ISL1: variants seen among roughly 807,000 people sequenced by gnomAD.
The protein encoded by ISL1 is ISL LIM homeobox 1, also known as insulin gene enhancer protein ISL-1.
A neutral mutation model predicts 35.3 loss-of-function variants in ISL1; 4 were observed. The ratio of observed to expected loss-of-function variants is 0.11; its 90% confidence interval spans 0.06 to 0.26. The LOEUF (loss-of-function observed/expected upper bound fraction) is 0.26, where lower values mean the gene tolerates loss of function less well. Among genes scored for constraint, ISL1 ranks in the 10% least tolerant of loss-of-function variants. The pLI is 1.00. For missense variants in ISL1, 340 were observed against 472.8 expected (o/e 0.72, Z 2.60); for synonymous variants, 186 against 172.3 (o/e 1.08, Z -0.62).
chr5:51,389,979 G>A lies in ISL1; in HGVS notation c.765+47G>A, dbSNP rs1358580661. 5 of 1,597,422 alleles carry A rather than the reference G, an allele frequency of 3.1e-6. No individual in the cohort carries two copies. The highest frequency in any genetic ancestry group is 2.7e-5 in the African/African-American group (2 of 74,664). ...CAGGGAATGCGAGGGGGAAGGAGAC[G>A]CAGCGTGCGAGGTGCGTTCCTGGTA... On this transcript the variant is annotated intron_variant, in intron 4 of 5. Coordinates refer to ENST00000230658, the MANE Select transcript of ISL1 (RefSeq NM_002202.3). The surrounding 1 kb of genome is among the most constrained non-coding windows in gnomAD (Gnocchi z 5.0).
rs148238074 is a variant in ISL1 at position 51,386,647 on chromosome 5, A to G, written c.219-843A>G. ...CCTTGGTAAGGAAAGGCCAGGAGTG[A>G]GAAAGACCTTAGAAGCGGGTCTTTG... On this transcript the variant is annotated intron_variant, in intron 2 of 5. Coordinates refer to ENST00000230658, the MANE Select transcript of ISL1 (RefSeq NM_002202.3). The G allele has an allele frequency of 1.7e-3, 767 of 456,130 alleles. 1 individual carries two copies. Among genetic ancestry groups the G allele is most frequent in the African/African-American group, 0.014 (687 of 50,170 alleles). 28.3% of individuals were successfully genotyped at this position (456,130 alleles called of 1,614,324 possible).
chr5:51,384,358 G>A (rs1219643068), intron 1 of ISL1, among the ~76,000 whole-genome samples, 183 bp from the exon 2 acceptor site: 3 of 149,502 alleles, frequency 2.0e-5, no homozygotes, highest in African/African-American at 5.0e-5. Flanking sequence ...AATGAGTCAA[G>A]GTTTTGATGG....
At position 51,387,927 on chromosome 5, in the gene ISL1, C is replaced by T. The variant is rs1747390020; in HGVS notation, c.478+178C>T. Among the ~76,000 whole-genome samples, 1 of 152,266 alleles carries T rather than the reference C, an allele frequency of 6.6e-6. No homozygotes were observed. Among genetic ancestry groups the T allele is most frequent in the South Asian group, 2.1e-4 (1 of 4,838 alleles). Reference sequence around the variant, plus strand: ...CCTTTGCAGCAAGGTTCAATGCACTCACTGTCTCCCTTGATTCCCCGAGCA... The same window carrying T: ...CCTTTGCAGCAAGGTTCAATGCACTTACTGTCTCCCTTGATTCCCCGAGCA... On this transcript the variant is annotated intron_variant, in intron 3 of 5. Coordinates refer to ENST00000230658, the MANE Select transcript of ISL1 (RefSeq NM_002202.3). The surrounding 1 kb of genome is among the most constrained non-coding windows in gnomAD (Gnocchi z 4.3).
intron 1 of ISL1, among the ~76,000 whole-genome samples, chr5:51,384,180 G>A (rs1476485159): frequency 7.0e-6 from 1 of 142,306 alleles, no homozygotes; most frequent in Non-Finnish European, 1.5e-5. Context: ...AACGCTTCTA[G>A]TCAAAACCTT....
chr5:51,385,681 A>G (rs1262150987), intron 2 of ISL1, among the ~76,000 whole-genome samples: 1 of 152,046 alleles, frequency 6.6e-6, no homozygotes, highest in Non-Finnish European at 1.5e-5. Context: ...CTGCCTTAGA[A>G]AGCCAGTAGT....
chr5:51,383,933 A>G (rs1376800413), intron 1 of ISL1, among the ~76,000 whole-genome samples: 1 of 152,020 alleles, frequency 6.6e-6, no homozygotes, highest in Non-Finnish European at 1.5e-5. Flanking sequence ...CCAAAGCTCT[A>G]GCTTTCTGGT....
At position 51,390,628 on chromosome 5, in the gene ISL1, TTTTC is replaced by T. The variant is rs1237847396; in HGVS notation, c.766-638_766-635del. ...AGAGTTTCTTTTCTTCCTTTTTTTC[TTTTC>T]TTTCTTTTTCTTTTTTTTTTTTTTT... On this transcript the variant is annotated intron_variant, in intron 4 of 5. Transcript: ENST00000230658. Among the ~76,000 whole-genome samples, 384 of 100,816 alleles carry T rather than the reference TTTTC, an allele frequency of 3.8e-3. 5 individuals carry two copies. Among genetic ancestry groups the T allele is most frequent in the African/African-American group, 0.013 (285 of 22,056 alleles). The allele number at this position is 100,816 out of a possible 152,430, so 66.1% of individuals were successfully genotyped here.
intron 4 of ISL1, among the ~76,000 whole-genome samples, chr5:51,390,295 C>T (rs1299469198): frequency 1.3e-5 from 2 of 152,208 alleles, no homozygotes; most frequent in Non-Finnish European, 2.9e-5. Context: ...TGCCAACATT[C>T]AGATCGTCAG....
Position 51,389,822 on chromosome 5 carries a change from G to C in ISL1, c.655G>C (p.Gly219Arg). 1.2e-6 allele frequency: 2 copies of C among 1,614,214 alleles called. No individual in the cohort carries two copies. The highest frequency in any genetic ancestry group is 1.7e-6 in the Non-Finnish European group (2 of 1,180,036). ...GAAGGAGCAACTGGTAGAGATGACGGGCCTCAGTCCCCGTGTGATCCGGGT... is the reference window on the plus strand; with the variant it reads ...GAAGGAGCAACTGGTAGAGATGACGCGCCTCAGTCCCCGTGTGATCCGGGT... Reference protein sequence around the residue: ...LMKEQLVEMTGLSPRVIRVWF... With the variant: ...LMKEQLVEMTRLSPRVIRVWF... Residue 219 changes from glycine to arginine, a missense_variant, in exon 4 of 6, where the codon GGC becomes CGC. Gly to Arg is a moderately radical substitution (Grantham distance 125). Around this residue, in one of 7 missense-constraint regions of ISL1, gnomAD observed 24 missense variants for 59.7 expected, o/e 0.40. Coordinates refer to ENST00000230658, the MANE Select transcript of ISL1 (RefSeq NM_002202.3). This position sits in a 1 kb window ranked among gnomAD's most constrained non-coding sequence, Gnocchi z 5.0.
Position 51,387,967 on chromosome 5 carries a change from G to C in ISL1, c.478+218G>C, listed in dbSNP as rs1747391371. ...TTCCCCGAGCACACCTACACCGTCT[G>C]TGTGTCTCTATATGGTTACACATAA... On this transcript the variant is annotated intron_variant, in intron 3 of 5. Coordinates refer to ENST00000230658, the MANE Select transcript of ISL1 (RefSeq NM_002202.3). The surrounding 1 kb of genome is among the most constrained non-coding windows in gnomAD (Gnocchi z 4.3). Among the ~76,000 whole-genome samples, 1 of 152,266 alleles carries C rather than the reference G, an allele frequency of 6.6e-6. No individual in the cohort carries two copies. The highest frequency in any genetic ancestry group is 2.4e-5 in the African/African-American group (1 of 41,484).
In ISL1 at chr5:51,394,430, A is replaced by G. The variant is rs1031644920; in HGVS notation, c.*820A>G. On this transcript the variant is annotated 3_prime_UTR_variant, in exon 6 of 6. Coordinates refer to ENST00000230658, the MANE Select transcript of ISL1 (RefSeq NM_002202.3). ...GTTAAAATGACTGTTTTCTCTCTCT[A>G]TGGAAATAAAAAGGAAAAAAAAAAA... 2.1e-5 allele frequency: 3 copies of G among 142,472 alleles called. No individual in the cohort carries two copies. The highest frequency in any genetic ancestry group is 8.4e-5 in the African/African-American group (3 of 35,906). 8.8% of individuals were successfully genotyped at this position (142,472 alleles called of 1,614,324 possible).
At chr5:51,390,876 G>A (rs1273418518) in intron 4 of ISL1, among the ~76,000 whole-genome samples, 1 of 151,360 alleles carries the variant, frequency 6.6e-6, no homozygotes. Context: ...AAAATCTGCA[G>A]CTAACTGAAA....
chr5:51,389,593 G>A lies in ISL1; in HGVS notation c.479-53G>A. 9 of 1,425,868 alleles carry A rather than the reference G, an allele frequency of 6.3e-6. 1 individual carries two copies. In the South Asian group the frequency reaches 1.2e-4, roughly 19 times the overall value. 88.3% of individuals were successfully genotyped at this position (1,425,868 alleles called of 1,614,324 possible). On this transcript the variant is annotated intron_variant, in intron 3 of 5. Coordinates refer to ENST00000230658, the MANE Select transcript of ISL1 (RefSeq NM_002202.3). The surrounding 1 kb of genome is among the most constrained non-coding windows in gnomAD (Gnocchi z 5.0). ...AGCGAGCGAGCGCGCGACCGCGGGC[G>A]GGCCGGCAAGCGAGCCTCCAGCCCA... is the stretch of plus-strand genomic sequence containing the variant.
Position 51,390,636 on chromosome 5 carries a change from C to CCTTTTTTTTTTTT in ISL1, c.766-638_766-637insCTTTTTTTTTTTT, listed in dbSNP as rs1747475980. Among the ~76,000 whole-genome samples the CCTTTTTTTTTTTT allele has an allele frequency of 3.6e-4, 27 of 74,328 alleles. 3 individuals carry two copies. Among genetic ancestry groups the CCTTTTTTTTTTTT allele is most frequent in the African/African-American group, 1.1e-3 (27 of 23,652 alleles). 48.8% of individuals were successfully genotyped at this position (74,328 alleles called of 152,430 possible). A position where few individuals can be genotyped will look rare whatever the true frequency, so the allele number is the denominator to read the frequency against. ...TTTTCTTCCTTTTTTTCTTTTCTTTCTTTTTCTTTTTTTTTTTTTTTTTTT... is the reference window on the plus strand; with the variant it reads ...TTTTCTTCCTTTTTTTCTTTTCTTTCCTTTTTTTTTTTTTTTTTCTTTTTTTTTTTTTTTTTTT... On this transcript the variant is annotated intron_variant, in intron 4 of 5. Transcript: ENST00000230658.
rs1332884224 is a variant in ISL1 at position 51,390,653 on chromosome 5, T to G, written c.766-621T>G. 2.3e-3 allele frequency among the ~76,000 whole-genome samples: 254 copies of G among 112,704 alleles called. 19 individuals are homozygous for G. The highest frequency in any genetic ancestry group is 6.6e-3 in the African/African-American group (210 of 31,926). 73.9% of individuals were successfully genotyped at this position (112,704 alleles called of 152,430 possible). On this transcript the variant is annotated intron_variant, in intron 4 of 5. Coordinates refer to ENST00000230658, the MANE Select transcript of ISL1 (RefSeq NM_002202.3). ...TTTTCTTTCTTTTTCTTTTTTTTTT[T>G]TTTTTTTTTTTTTTTTTTTTTTTTT...
At position 51,387,478 on chromosome 5, in the gene ISL1, T is replaced by C. The variant is rs1554037585; in HGVS notation, c.219-12T>C. On this transcript the variant is annotated splice_polypyrimidine_tract_variant and intron_variant, in intron 2 of 5. Transcript: ENST00000230658. This position sits in a 1 kb window ranked among gnomAD's most constrained non-coding sequence, Gnocchi z 4.3. ...GCTCTGGGCCGCCTCCGCTCCCCCC[T>C]CCCCCGCACAGGTTGTACGGGATCA... The C allele has an allele frequency of 4.3e-6, 7 of 1,613,604 alleles. No homozygotes were observed. The highest frequency in any genetic ancestry group is 2.5e-6 in the Non-Finnish European group (3 of 1,179,836).
Position 51,383,596 on chromosome 5 carries a change from C to T in ISL1, c.-76C>T. The T allele has an allele frequency of 8.1e-7, 1 of 1,241,824 alleles. No individual in the cohort carries two copies. Among genetic ancestry groups the T allele is most frequent in the South Asian group, 1.2e-5 (1 of 83,654 alleles). 76.9% of individuals were successfully genotyped at this position (1,241,824 alleles called of 1,614,324 possible). A position where few individuals can be genotyped will look rare whatever the true frequency, so the allele number is the denominator to read the frequency against. ...CAATATTTCCCACTTAGCCACAGCT[C>T]CAGCATCCTCTCTGTGGGCTGTTCA... On this transcript the variant is annotated 5_prime_UTR_variant, in exon 1 of 6. Transcript: ENST00000230658.
chr5:51,389,538 T>TAAGCGGGCGGGCGGGCGAGC lies in ISL1; in HGVS notation c.479-91_479-90insAGCAAGCGGGCGGGCGGGCG. The TAAGCGGGCGGGCGGGCGAGC allele has an allele frequency of 1.0e-6, 1 of 963,034 alleles. No homozygotes were observed. Among genetic ancestry groups the TAAGCGGGCGGGCGGGCGAGC allele is most frequent in the Non-Finnish European group, 1.4e-6 (1 of 740,232 alleles). 59.7% of individuals were successfully genotyped at this position (963,034 alleles called of 1,614,324 possible). On this transcript the variant is annotated intron_variant, in intron 3 of 5. Transcript: ENST00000230658. The surrounding 1 kb of genome is among the most constrained non-coding windows in gnomAD (Gnocchi z 5.0). ...TGAGTATCTCGGGCGGGCGAGCAAGTAAGCGGGCGGGCGGGCGGGCAAGCG... is the reference window on the plus strand; with the variant it reads ...TGAGTATCTCGGGCGGGCGAGCAAGTAAGCGGGCGGGCGGGCGAGCAAGCGGGCGGGCGGGCGGGCAAGCG...
chr5:51,388,239 C>A (rs2111844315), intron 3 of ISL1, among the ~76,000 whole-genome samples: 1 of 152,182 alleles, frequency 6.6e-6, no homozygotes, highest in African/African-American at 2.4e-5. Context: ...GCTTCACACT[C>A]GAAATTTTTT....
Sources: gnomAD v4.1 joint callset for allele counts (sites outside exome capture counted in the v4.1 genomes callset) on GRCh38, gnomAD v4.1.1 for gene constraint, gnomAD v4.1.1 regional missense constraint, Gnocchi (gnomAD v3.1) non-coding constraint, MANE v1.5 for transcripts, NCBI Gene and HGNC (gene_info 2026-07-23, HGNC 2026-07-21) for gene names.